The following SYCE1 variants were observed in gnomAD, a reference collection of about 807,000 sequenced individuals.
SYCE1 encodes the protein synaptonemal complex central element protein 1, also known as cancer/testis antigen 76.
In SYCE1, 37 loss-of-function variants were observed where a neutral mutation model predicts 55.1. The observed-to-expected ratio is 0.67, with a 90% confidence interval of 0.52 to 0.88. SYCE1 has a LOEUF of 0.88. Among genes scored for constraint, SYCE1 ranks in the 40% least tolerant of loss-of-function variants. The pLI is 0.00. For synonymous variants in SYCE1, 163 were observed against 159.4 expected, an observed-to-expected ratio of 1.02 and a Z score of -0.17; for missense variants, 399 against 416.4, an observed-to-expected ratio of 0.96 and a Z score of 0.36.
At position 133,554,904 on chromosome 10, in the gene SYCE1, G is replaced by C. The variant is rs372355444; in HGVS notation, c.*88C>G. ...GATGTACCTCTGGCCCAGACCAAGA[G>C]GCAGAGTCAAGCCAAGGCTTCAATC... On this transcript the variant is annotated 3_prime_UTR_variant, in exon 13 of 13. Transcript: ENST00000343131. The C allele has an allele frequency of 1.2e-5, 18 of 1,466,436 alleles. No homozygotes were observed. The African/African-American group carries it at 2.6e-4, about 21-fold the overall frequency. The allele number at this position is 1,466,436 out of a possible 1,614,324, so 90.8% of individuals were successfully genotyped here. A position where few individuals can be genotyped will look rare whatever the true frequency, so the allele number is the denominator to read the frequency against.
At chr10:133,555,198 C>G (rs1322587587) in intron 12 of SYCE1, 69 bp from the exon 13 acceptor site, 3 of 1,532,824 alleles carry the variant, frequency 2.0e-6, no homozygotes, top group Non-Finnish European at 2.6e-6. Flanking sequence ...CCCTCCTGCC[C>G]CATCACCACC....
At position 133,555,019 on chromosome 10, in the gene SYCE1, G is replaced by GC; in HGVS notation, c.1028dup (p.Phe344LeufsTer32). ...AAAATAGCTCCTTTATTTCCTGAAA[G>GC]CCCCTTGGGCTAAGGTCGGGGTGGA... On this transcript the variant is annotated frameshift_variant, in exon 13 of 13. Coordinates refer to ENST00000343131, the MANE Select transcript of SYCE1 (RefSeq NM_001143764.3). LOFTEE classifies it high-confidence loss of function. The GC allele has an allele frequency of 6.5e-7, 1 of 1,550,108 alleles. No homozygotes were observed. The highest frequency in any genetic ancestry group is 8.7e-7 in the Non-Finnish European group (1 of 1,146,418).
intron 1 of SYCE1, among the ~76,000 whole-genome samples, chr10:133,564,094 T>G (rs11101839): frequency 0.098 from 14,885 of 152,104 alleles, 903 homozygotes; most frequent in East Asian, 0.25. Flanking sequence ...ATAGTTCGTA[T>G]GTTGAAATCC....
rs777324662 is a variant in SYCE1 at position 133,555,872 on chromosome 10, C to T, written c.627G>A (p.Val209=). ...CACACAGGGAGCACAGCTGATGCTT[C>T]ACGTCTTCCAGTGTCGCCTTGACCA... ...EKLVKATLED[V]KHQLCSLCGA... The change falls in exon 10 of 13, where the codon GTG becomes GTA. Residue 209 remains valine, a synonymous_variant. Coordinates refer to ENST00000343131, the MANE Select transcript of SYCE1 (RefSeq NM_001143764.3). The T allele has an allele frequency of 6.2e-7, 1 of 1,614,098 alleles. No individual in the cohort carries two copies. The highest frequency in any genetic ancestry group is 1.7e-5 in the Admixed American group (1 of 60,028).
chr10:133,558,762 G>T, intron 4 of SYCE1, 115 bp downstream of exon 4: 1 of 999,446 alleles, frequency 1.0e-6, no homozygotes, highest in Non-Finnish European at 1.5e-6. Flanking sequence ...AGGACATGAG[G>T]CTAGAGAGGG....
downstream of SYCE1, chr10:133,554,762 T>A (rs1220471489): frequency 7.0e-7 from 1 of 1,422,864 alleles, no homozygotes; most frequent in African/African-American, 1.4e-5. Context: ...CTGGGCCCAC[T>A]GTGAGAGCGT....
upstream of SYCE1, among the ~76,000 whole-genome samples, chr10:133,565,924 A>AGGC (rs1396935944): frequency 3.3e-5 from 5 of 152,202 alleles, no homozygotes; most frequent in Non-Finnish European, 5.9e-5. Context: ...CGACTCCACA[A>AGGC]GGCGCTGTGG....
chr10:133,566,761 T>A (rs903331336), upstream of SYCE1, among the ~76,000 whole-genome samples: 1 of 150,806 alleles, frequency 6.6e-6, no homozygotes, highest in Non-Finnish European at 1.5e-5. Context: ...GGGTTAGGGG[T>A]TACAGTTTAG....
At chr10:133,565,373 A>C (rs1488028102) in intron 1 of SYCE1, 84 bp downstream of exon 1, 2 of 1,263,430 alleles carry the variant, frequency 1.6e-6, no homozygotes, top group African/African-American at 3.1e-5. Context: ...TGACAGGAAG[A>C]AGCAGCCGCC....
At chr10:133,557,313 C>A (rs1851708869) in intron 6 of SYCE1, 157 bp from the exon 7 acceptor site, 6 of 662,570 alleles carry the variant, frequency 9.1e-6, no homozygotes, top group Non-Finnish European at 1.6e-5. Flanking sequence ...TGACCATTTG[C>A]CCCCTGGAAG....
intron 5 of SYCE1, 39 bp downstream of exon 5, chr10:133,558,128 G>C (rs773413090): frequency 7.4e-6 from 12 of 1,613,382 alleles, no homozygotes; most frequent in Non-Finnish European, 9.3e-6. Flanking sequence ...CTGTGGGTTG[G>C]CAAAGGCACA....
Position 133,555,015 on chromosome 10 carries a change from G to A in SYCE1, c.1033C>T (p.Gln345Ter). The change falls in exon 13 of 13, where the codon CAG (glutamine) becomes TAG (stop). Residue 345 changes from glutamine (Q) to a stop codon, truncating the protein, a stop_gained. Coordinates refer to ENST00000343131, the MANE Select transcript of SYCE1 (RefSeq NM_001143764.3). LOFTEE classifies it high-confidence loss of function. ...LHPDLSPRGF[Q>*]EIKELF is the part of the protein sequence containing the mutation. ...TATCAAAATAGCTCCTTTATTTCCT[G>A]AAAGCCCCTTGGGCTAAGGTCGGGG... 6.5e-7 allele frequency: 1 copy of A among 1,549,822 alleles called. No individual in the cohort carries two copies. Among genetic ancestry groups the A allele is most frequent in the South Asian group, 1.2e-5 (1 of 83,752 alleles).
chr10:133,556,072 C>G, intron 8 of SYCE1, 25 bp from the exon 9 acceptor site: 1 of 1,611,104 alleles, frequency 6.2e-7, no homozygotes, highest in South Asian at 1.1e-5. Context: ...AGAGGCCTGT[C>G]CACTCCTCTT....
chr10:133,565,671 C>T (rs931587071), upstream of SYCE1: 23 of 799,536 alleles, frequency 2.9e-5, no homozygotes, highest in Non-Finnish European at 4.2e-5. Context: ...GGTAATTCTC[C>T]GGCAGGCCTG....
At chr10:133,566,866 T>C (rs61868693), upstream of SYCE1, among the ~76,000 whole-genome samples, 5 of 22,854 alleles carry the variant, frequency 2.2e-4, no homozygotes, top group South Asian at 4.5e-3. Flanking sequence ...GGGTTAGGGT[T>C]AGGGTTAGCA....
intron 12 of SYCE1, 42 bp downstream of exon 12, chr10:133,555,309 A>C: frequency 1.2e-6 from 2 of 1,610,806 alleles, no homozygotes; most frequent in Non-Finnish European, 1.7e-6. Flanking sequence ...CTGTCCCTTC[A>C]GTAGCTGTTT....
At chr10:133,567,432 AGGGTCAG>A (rs1851972286), upstream of SYCE1, among the ~76,000 whole-genome samples, 1 of 148,302 alleles carries the variant, frequency 6.7e-6, no homozygotes, top group South Asian at 2.2e-4. Context: ...GGTCAGCGTT[AGGGTCAG>A]GGGTTAGGGG....
chr10:133,568,101 G>T, upstream of SYCE1: 3 of 720,632 alleles, frequency 4.2e-6, no homozygotes, highest in Non-Finnish European at 7.3e-6. Flanking sequence ...GCCTAGGGCC[G>T]CAGCAGCCCC....
rs940557000 is a variant in SYCE1 at position 133,564,468 on chromosome 10, G to C, written c.73+989C>G. ...GAAAGGCTAGCACACCGGCGGGCCAGCAGGTGCTTAATGAAAGGGATACGT... is the reference window on the plus strand; with the variant it reads ...GAAAGGCTAGCACACCGGCGGGCCACCAGGTGCTTAATGAAAGGGATACGT... On this transcript the variant is annotated intron_variant, in intron 1 of 12. Coordinates refer to ENST00000343131, the MANE Select transcript of SYCE1 (RefSeq NM_001143764.3). 4 of 981,910 alleles carry C rather than the reference G, an allele frequency of 4.1e-6. No homozygotes were observed. In the African/African-American group the frequency reaches 7.0e-5, roughly 17 times the overall value. 60.8% of individuals were successfully genotyped at this position (981,910 alleles called of 1,614,324 possible). A position where few individuals can be genotyped will look rare whatever the true frequency, so the allele number is the denominator to read the frequency against.
Sources: gnomAD v4.1 joint callset for allele counts (sites outside exome capture counted in the v4.1 genomes callset) on GRCh38, gnomAD v4.1.1 for gene constraint, MANE v1.5 for transcripts, NCBI Gene and HGNC (gene_info 2026-07-23, HGNC 2026-07-21) for gene names.